The following BRINP3 variants were observed in gnomAD, a reference collection of about 807,000 sequenced individuals.
The protein encoded by BRINP3 is BMP/retinoic acid-inducible neural-specific protein 3.
A neutral mutation model predicts 71.0 loss-of-function variants in BRINP3; 19 were observed. The ratio of observed to expected loss-of-function variants is 0.27; its 90% CI spans 0.19 to 0.39. The LOEUF (loss-of-function observed/expected upper bound fraction) is 0.39. Among genes scored for constraint, BRINP3 ranks in the 10% least tolerant of loss-of-function variants. The pLI is 1.00. For missense variants in BRINP3, 959 were observed against 940.8 expected (o/e 1.02, Z -0.25); for synonymous variants, 380 against 337.7 (o/e 1.13, Z -1.37).
At chr1:190,382,518 G>C (rs1043298395) in intron 2 of BRINP3, among the ~76,000 whole-genome samples, 2 of 152,078 alleles carry the variant, frequency 1.3e-5, no homozygotes, top group Non-Finnish European at 2.9e-5. Context: ...GCAAAGATTT[G>C]ATTTATTTAA....
At chr1:190,176,056 A>G (rs1202544011) in intron 6 of BRINP3, among the ~76,000 whole-genome samples, 1 of 152,036 alleles carries the variant, frequency 6.6e-6, no homozygotes, top group Non-Finnish European at 1.5e-5. Context: ...ACTTGTATTC[A>G]CCCTTTATTT....
intron 4 of BRINP3, among the ~76,000 whole-genome samples, chr1:190,248,123 T>A (rs1659781480): frequency 6.6e-6 from 1 of 151,888 alleles, no homozygotes; most frequent in Non-Finnish European, 1.5e-5. Context: ...GAAGAATTCT[T>A]TTATTTTTAA....
intron 3 of BRINP3, among the ~76,000 whole-genome samples, chr1:190,276,569 A>G (rs529265561): frequency 2.6e-5 from 4 of 151,756 alleles, no homozygotes; most frequent in Admixed American, 1.3e-4. Context: ...ACACACACAC[A>G]CACACACAAT....
At chr1:190,145,666 C>T (rs1367701269) in intron 7 of BRINP3, among the ~76,000 whole-genome samples, 5 of 152,160 alleles carry the variant, frequency 3.3e-5, no homozygotes, top group Non-Finnish European at 5.9e-5. Flanking sequence ...AGCAATCCCA[C>T]TACTGGGTAT....
chr1:190,134,977 CAT>C (rs1654850147), intron 7 of BRINP3, among the ~76,000 whole-genome samples: 1 of 152,000 alleles, frequency 6.6e-6, no homozygotes, highest in Non-Finnish European at 1.5e-5. Context: ...CTGAAGTACA[CAT>C]GTTATTTAAG....
intron 2 of BRINP3, among the ~76,000 whole-genome samples, chr1:190,396,031 T>A (rs1671544894): frequency 1.3e-5 from 2 of 151,760 alleles, no homozygotes. Context: ...AAAGGATTTT[T>A]GTTGTGCTGA....
intron 7 of BRINP3, among the ~76,000 whole-genome samples, chr1:190,115,587 C>A (rs1167765708): frequency 6.6e-6 from 1 of 152,096 alleles, no homozygotes; most frequent in Non-Finnish European, 1.5e-5. Flanking sequence ...CCTATACATG[C>A]CATTAGCAAT....
At chr1:190,473,540 C>CA (rs771264511) in intron 1 of BRINP3, among the ~76,000 whole-genome samples, 1 of 133,078 alleles carries the variant, frequency 7.5e-6, no homozygotes, top group Non-Finnish European at 1.6e-5. Flanking sequence ...TAATTTTTCT[C>CA]TTTTTTTTTT....
chr1:190,109,749 T>C (rs1652507437), intron 7 of BRINP3, among the ~76,000 whole-genome samples: 1 of 152,242 alleles, frequency 6.6e-6, no homozygotes, highest in African/African-American at 2.4e-5. Context: ...AAGCTCTTTT[T>C]TTCCCTGCCC....
chr1:190,322,781 A>G (rs1342016982), intron 2 of BRINP3, among the ~76,000 whole-genome samples: 1 of 151,966 alleles, frequency 6.6e-6, no homozygotes, highest in East Asian at 1.9e-4. Context: ...AATAAATATA[A>G]AGTTACATTC....
At chr1:190,166,723 T>C (rs145896805) in intron 6 of BRINP3, among the ~76,000 whole-genome samples, 1 of 152,232 alleles carries the variant, frequency 6.6e-6, no homozygotes, top group Non-Finnish European at 1.5e-5. Flanking sequence ...TAAATACGTC[T>C]TATGCATTTC....
chr1:190,123,547 A>T (rs1019886797), intron 7 of BRINP3, among the ~76,000 whole-genome samples: 2 of 152,140 alleles, frequency 1.3e-5, no homozygotes. Flanking sequence ...AGTACAACTT[A>T]TATTAAGTTA....
At chr1:190,382,026 C>A (rs16832305) in intron 2 of BRINP3, among the ~76,000 whole-genome samples, 27,191 of 151,900 alleles carry the variant, frequency 0.18, 2,444 homozygotes, top group Middle Eastern at 0.22. Context: ...ATATTGCATA[C>A]GACCATTTAT....
chr1:190,351,891 G>C (rs1167632662), intron 2 of BRINP3, among the ~76,000 whole-genome samples: 1 of 151,946 alleles, frequency 6.6e-6, no homozygotes, highest in African/African-American at 2.4e-5. Flanking sequence ...TCTTTATTAT[G>C]TTAATATGGT....
At chr1:190,352,701 T>A (rs1468642810) in intron 2 of BRINP3, among the ~76,000 whole-genome samples, 5 of 152,018 alleles carry the variant, frequency 3.3e-5, no homozygotes, top group Non-Finnish European at 7.4e-5. Context: ...TAACATATTA[T>A]TATTTTATTC....
intron 1 of BRINP3, among the ~76,000 whole-genome samples, chr1:190,469,249 A>G (rs990641393): frequency 6.6e-6 from 1 of 150,988 alleles, no homozygotes; most frequent in Non-Finnish European, 1.5e-5. Context: ...GTTTGGTATA[A>G]TCTTGACAAT....
intron 4 of BRINP3, among the ~76,000 whole-genome samples, chr1:190,242,665 G>A (rs1013686628): frequency 6.6e-6 from 1 of 151,876 alleles, no homozygotes; most frequent in East Asian, 1.9e-4. Context: ...GTAGTGTTTG[G>A]TTTTTTTATT....
intron 6 of BRINP3, among the ~76,000 whole-genome samples, chr1:190,220,858 A>C (rs770241227): frequency 2.0e-5 from 3 of 152,196 alleles, no homozygotes; most frequent in Non-Finnish European, 4.4e-5. Flanking sequence ...TGGTAAAATT[A>C]AGTACAAGGA....
At chr1:190,145,619 T>A (rs1655816931) in intron 7 of BRINP3, among the ~76,000 whole-genome samples, 2 of 152,198 alleles carry the variant, frequency 1.3e-5, no homozygotes, top group Non-Finnish European at 1.5e-5. Context: ...GTATGGAGAT[T>A]CCTTAAAGAA....
Sources: allele counts gnomAD v4.1 joint callset (sites outside exome capture counted in the v4.1 genomes callset), GRCh38; gene constraint gnomAD v4.1.1; transcripts MANE v1.5; gene names NCBI Gene and HGNC (gene_info 2026-07-23, HGNC 2026-07-21).